Variants in DOCK8 observed in about 807,000 individuals in gnomAD.
The protein encoded by DOCK8 is dedicator of cytokinesis 8.
Under a neutral mutation model 245.6 loss-of-function variants are expected in DOCK8, and 141 were observed. That is an observed-to-expected ratio of 0.57 (90% CI 0.50 to 0.66). The LOEUF (loss-of-function observed/expected upper bound fraction) is 0.66, where lower values mean the gene tolerates loss of function less well. Among genes scored for constraint, DOCK8 ranks in the 30% least tolerant of loss-of-function variants. The pLI is 0.00. For synonymous variants in DOCK8, 1,168 were observed against 970.2 expected (o/e 1.20, Z -3.79); for missense variants, 2,965 against 2,603.4 (o/e 1.14, Z -3.02).
chr9:276,092 T>C (rs1003876183), intron 2 of DOCK8, among the ~76,000 whole-genome samples: 1 of 151,868 alleles, frequency 6.6e-6, no homozygotes, highest in Non-Finnish European at 1.5e-5. Context: ...GGTTTCGCCA[T>C]GTTGGCCAGG....
At chr9:390,176 C>A (rs1431277019) in intron 23 of DOCK8, among the ~76,000 whole-genome samples, 1 of 152,098 alleles carries the variant, frequency 6.6e-6, no homozygotes. Context: ...TTAATGGCTA[C>A]CCAGAATGTT....
chr9:418,292 G>T lies in DOCK8; in HGVS notation c.3840+85G>T, dbSNP rs531685154. 1.9e-6 allele frequency: 3 copies of T among 1,575,836 alleles called. No homozygotes were observed. The East Asian group carries it at 6.7e-5, about 35-fold the overall frequency. On this transcript the variant is annotated intron_variant, in intron 30 of 47. Transcript: ENST00000432829. ...TGTTTTGTTTGTTTGTTTGTTTTGAGACAGAGTCTCACTCTGTTGCACAGG... is the reference window on the plus strand; with the variant it reads ...TGTTTTGTTTGTTTGTTTGTTTTGATACAGAGTCTCACTCTGTTGCACAGG...
intron 9 of DOCK8, among the ~76,000 whole-genome samples, chr9:331,303 G>A (rs528224522): frequency 6.6e-6 from 1 of 152,318 alleles, no homozygotes; most frequent in African/African-American, 2.4e-5. Context: ...GCATCTCTCA[G>A]TGGGATTCGC....
chr9:214,869 G>T lies in DOCK8; in HGVS notation c.-108G>T. ...CGGAAGTTTCCAGCGCCGACCGACA[G>T]ACGAGGTTTGCGCTTGGCTGGGCAT... On this transcript the variant is annotated 5_prime_UTR_variant, in exon 1 of 48. Coordinates refer to ENST00000432829, the MANE Select transcript of DOCK8 (RefSeq NM_203447.4). 1 of 1,601,858 alleles carries T rather than the reference G, an allele frequency of 6.2e-7. No homozygotes were observed. The highest frequency in any genetic ancestry group is 1.4e-5 in the African/African-American group (1 of 73,584).
intron 33 of DOCK8, among the ~76,000 whole-genome samples, chr9:423,381 G>A (rs781645240): frequency 1.3e-5 from 2 of 152,112 alleles, no homozygotes; most frequent in Non-Finnish European, 2.9e-5. Flanking sequence ...GAGTCCCAGG[G>A]TTTGCTGAGC....
intron 44 of DOCK8, among the ~76,000 whole-genome samples, chr9:448,018 C>CTTTTT (rs1330445717): frequency 6.6e-6 from 1 of 152,060 alleles, no homozygotes. Context: ...AAAACCTTTT[C>CTTTTT]TTTTCTTCAT....
At chr9:386,711 A>G (rs975644059) in intron 23 of DOCK8, among the ~76,000 whole-genome samples, 5 of 152,204 alleles carry the variant, frequency 3.3e-5, no homozygotes, top group African/African-American at 4.8e-5. Context: ...TTCTGATTCA[A>G]TAGATCTGAG....
intron 14 of DOCK8, among the ~76,000 whole-genome samples, chr9:361,250 A>G (rs527688601): frequency 1.3e-5 from 2 of 152,206 alleles, no homozygotes; most frequent in Admixed American, 1.3e-4. Flanking sequence ...AAAGAGAGGC[A>G]GAGAGACTTA....
chr9:424,715 G>C (rs1417522668), intron 33 of DOCK8, among the ~76,000 whole-genome samples: 1 of 152,144 alleles, frequency 6.6e-6, no homozygotes, highest in African/African-American at 2.4e-5. Context: ...TGGTCAGATG[G>C]TAAAGCTTTT....
chr9:244,696 C>G (rs1388416276), intron 1 of DOCK8, among the ~76,000 whole-genome samples: 1 of 152,138 alleles, frequency 6.6e-6, no homozygotes, highest in African/African-American at 2.4e-5. Flanking sequence ...CTATTCAGGT[C>G]TGCATGGTTC....
At chr9:359,570 ATT>A (rs1586794064) in intron 14 of DOCK8, among the ~76,000 whole-genome samples, 1 of 152,210 alleles carries the variant, frequency 6.6e-6, no homozygotes, top group African/African-American at 2.4e-5. Flanking sequence ...AAAATAATGT[ATT>A]TGCAATTTCC....
rs189927369 is a variant in DOCK8, at chr9:341,629, A to C, written c.1679+1308A>C. Among the ~76,000 whole-genome samples, 128 of 152,264 alleles carry C rather than the reference A, an allele frequency of 8.4e-4. 1 individual carries two copies. The highest frequency in any genetic ancestry group is 3.0e-3 in the African/African-American group (125 of 41,538). On this transcript the variant is annotated intron_variant, in intron 14 of 47. Coordinates refer to ENST00000432829, the MANE Select transcript of DOCK8 (RefSeq NM_203447.4). ...TTTTTCTCCTTTTACACACACTTAC[A>C]CACACATCTGTGAACGCTCAATGGC...
intron 1 of DOCK8, among the ~76,000 whole-genome samples, chr9:258,894 G>T (rs1212405071): frequency 6.6e-6 from 1 of 152,048 alleles, no homozygotes; most frequent in African/African-American, 2.4e-5. Flanking sequence ...CACCATATCT[G>T]GCCCTGAAGA....
intron 33 of DOCK8, among the ~76,000 whole-genome samples, chr9:426,673 G>T (rs1041567819): frequency 3.9e-5 from 6 of 152,170 alleles, no homozygotes; most frequent in Non-Finnish European, 8.8e-5. Flanking sequence ...TGGGGATGAG[G>T]ATGACCAGGA....
intron 6 of DOCK8, among the ~76,000 whole-genome samples, chr9:313,889 C>G (rs1018086422): frequency 6.6e-6 from 1 of 152,086 alleles, no homozygotes; most frequent in Non-Finnish European, 1.5e-5. Flanking sequence ...ATACATAGAT[C>G]AAAACATGAC....
intron 1 of DOCK8, among the ~76,000 whole-genome samples, chr9:265,865 A>G (rs1471003938): frequency 6.6e-6 from 1 of 152,186 alleles, no homozygotes; most frequent in African/African-American, 2.4e-5. Flanking sequence ...TCTGGTTTAC[A>G]TATAATGAAA....
Position 228,163 on chromosome 9 carries a change from A to C in DOCK8, c.53+13134A>C, listed in dbSNP as rs528505598. ...AGAAATGGGACAAGTGGTAACCAGA[A>C]GGCCCCTACAAGGCTGTGACTTTTA... On this transcript the variant is annotated intron_variant, in intron 1 of 47. Coordinates refer to ENST00000432829, the MANE Select transcript of DOCK8 (RefSeq NM_203447.4). Among the ~76,000 whole-genome samples the C allele has an allele frequency of 3.0e-3, 462 of 152,310 alleles. 2 individuals are homozygous for C. Among genetic ancestry groups the C allele is most frequent in the African/African-American group, 0.011 (448 of 41,560 alleles).
At chr9:360,142 C>G (rs1049703490) in intron 14 of DOCK8, among the ~76,000 whole-genome samples, 2 of 151,716 alleles carry the variant, frequency 1.3e-5, no homozygotes. Flanking sequence ...ATGGTGAAAC[C>G]CCATCTCTAC....
chr9:251,653 C>G (rs940721591), intron 1 of DOCK8, among the ~76,000 whole-genome samples: 1 of 152,132 alleles, frequency 6.6e-6, no homozygotes, highest in Non-Finnish European at 1.5e-5. Context: ...CCAGTAAAGC[C>G]TTGTACAAGT....
Sources: allele counts gnomAD v4.1 joint callset (sites outside exome capture counted in the v4.1 genomes callset), GRCh38; gene constraint gnomAD v4.1.1; transcripts MANE v1.5; gene names NCBI Gene and HGNC (gene_info 2026-07-23, HGNC 2026-07-21).